Variants in PCDH7 observed in about 807,000 individuals in gnomAD.
PCDH7 encodes the protein protocadherin 7.
PCDH7 carries 17 observed loss-of-function variants against 58.9 expected under a neutral mutation model. That is an observed-to-expected ratio of 0.29 (90% CI 0.20 to 0.43). The LOEUF is 0.43. PCDH7 is among the 20% of genes least tolerant of loss of function. The pLI is 1.00. For missense variants in PCDH7, 1,274 were observed against 1,441.0 expected, an observed-to-expected ratio of 0.88 and a Z score of 1.88; for synonymous variants, 664 against 616.4, an observed-to-expected ratio of 1.08 and a Z score of -1.14.
intron 3 of PCDH7, among the ~76,000 whole-genome samples, chr4:31,125,120 C>T (rs1718146689): frequency 6.6e-6 from 1 of 152,080 alleles, no homozygotes; most frequent in African/African-American, 2.4e-5. Flanking sequence ...AAATTTGAGG[C>T]TTTTTACCAA....
At chr4:30,724,092 G>A (rs376057397) in exon 1 of PCDH7, 34 of 1,613,864 alleles carry the variant, frequency 2.1e-5, no homozygotes, top group South Asian at 7.7e-5. Flanking sequence ...GCATTATGAC[G>A]GTGATTCTAA....
At chr4:30,779,663 CCTAT>C (rs1422883330) in intron 1 of PCDH7, among the ~76,000 whole-genome samples, 2 of 152,122 alleles carry the variant, frequency 1.3e-5, no homozygotes, top group African/African-American at 2.4e-5. Flanking sequence ...CTAATTTTGT[CCTAT>C]CTCACATTTA....
intron 1 of PCDH7, among the ~76,000 whole-genome samples, chr4:30,793,229 A>T (rs542540832): frequency 6.6e-6 from 1 of 152,290 alleles, no homozygotes; most frequent in South Asian, 2.1e-4. Flanking sequence ...GAAGGCAAAC[A>T]CAGAATCTTT....
At chr4:30,847,149 A>T (rs1220029508) in intron 1 of PCDH7, among the ~76,000 whole-genome samples, 1 of 152,024 alleles carries the variant, frequency 6.6e-6, no homozygotes, top group East Asian at 1.9e-4. Context: ...TAAAAAAAAA[A>T]GAATGCATTT....
chr4:30,929,395 A>G (rs1375433514), intron 2 of PCDH7, among the ~76,000 whole-genome samples: 2 of 152,140 alleles, frequency 1.3e-5, no homozygotes, highest in African/African-American at 4.8e-5. Context: ...TACTTAATAT[A>G]CGCAGGTAGA....
chr4:30,742,289 T>C (rs960453994), intron 1 of PCDH7, among the ~76,000 whole-genome samples: 2 of 152,164 alleles, frequency 1.3e-5, no homozygotes, highest in Non-Finnish European at 2.9e-5. Context: ...AATGAAGAAT[T>C]TATGCTTACC....
chr4:30,733,250 C>A (rs2109240072), downstream of PCDH7, among the ~76,000 whole-genome samples: 1 of 152,244 alleles, frequency 6.6e-6, no homozygotes, highest in Admixed American at 6.5e-5. Context: ...ATTAATTCTC[C>A]ATTTCAAAAT....
intron 1 of PCDH7, among the ~76,000 whole-genome samples, chr4:30,906,130 T>G (rs1740888980): frequency 6.6e-6 from 1 of 152,206 alleles, no homozygotes; most frequent in South Asian, 2.1e-4. Context: ...CCAAGATACA[T>G]TAACATTTTC....
chr4:31,133,640 G>A (rs886768742), intron 3 of PCDH7, among the ~76,000 whole-genome samples: 3 of 152,154 alleles, frequency 2.0e-5, no homozygotes, highest in African/African-American at 7.2e-5. Context: ...TGGGTAAAGA[G>A]GAGAACCAAA....
At chr4:30,843,077 TA>T (rs1423440883) in intron 1 of PCDH7, among the ~76,000 whole-genome samples, 5 of 151,904 alleles carry the variant, frequency 3.3e-5, no homozygotes, top group Admixed American at 6.6e-5. Flanking sequence ...TTTTTTTTTT[TA>T]TAATTTGAGC....
In PCDH7 at chr4:30,721,171, A is replaced by C. The variant is rs1046463052; in HGVS notation, c.-252A>C. On this transcript the variant is annotated 5_prime_UTR_variant, in exon 1 of 2. Coordinates refer to ENST00000361762, the Ensembl canonical transcript of PCDH7. This position sits in a 1 kb window ranked among gnomAD's most constrained non-coding sequence, Gnocchi z 6.7. ...GCAGGCGAGCGGGCGATTAGCACCC[A>C]TTGCATGAATTATGAAACAATAACT... The C allele has an allele frequency of 2.0e-6, 1 of 509,164 alleles. No individual in the cohort carries two copies. Among genetic ancestry groups the C allele is most frequent in the African/African-American group, 2.0e-5 (1 of 50,270 alleles). 31.5% of individuals were successfully genotyped at this position (509,164 alleles called of 1,614,324 possible).
rs1362171903 is a variant in PCDH7 at position 30,772,734 on chromosome 4, T to TA, written c.70+48139dup. Among the ~76,000 whole-genome samples, 4 of 152,324 alleles carry TA rather than the reference T, an allele frequency of 2.6e-5. No individual in the cohort carries two copies. The East Asian group carries it at 5.8e-4, about 22-fold the overall frequency. On this transcript the variant is annotated intron_variant, in intron 1 of 3. Coordinates refer to the PCDH7 transcript ENST00000509759. ...ACAGTGGTAATGATAAATAAACACTTACTGTGTGCCCAAAATTGTGCTCAG... is the reference window on the plus strand; with the variant it reads ...ACAGTGGTAATGATAAATAAACACTTAACTGTGTGCCCAAAATTGTGCTCAG...
At chr4:30,885,947 C>T (rs1162044240) in intron 1 of PCDH7, among the ~76,000 whole-genome samples, 2 of 152,122 alleles carry the variant, frequency 1.3e-5, no homozygotes, top group African/African-American at 4.8e-5. Context: ...GGATCCCTTC[C>T]TTACACCTTA....
At chr4:31,003,389 T>C (rs780685022) in intron 3 of PCDH7, among the ~76,000 whole-genome samples, 24 of 151,348 alleles carry the variant, frequency 1.6e-4, no homozygotes, top group Non-Finnish European at 2.7e-4. Context: ...TTTTTTTTTT[T>C]CTTCTTTACC....
rs766376650 is a variant in PCDH7 at position 30,721,400 on chromosome 4, A to C, written c.-23A>C. 6.8e-7 allele frequency: 1 copy of C among 1,471,426 alleles called. No individual in the cohort carries two copies. The highest frequency in any genetic ancestry group is 2.0e-4 in the Middle Eastern group (1 of 5,090). 91.1% of individuals were successfully genotyped at this position (1,471,426 alleles called of 1,614,324 possible). A position where few individuals can be genotyped will look rare whatever the true frequency, so the allele number is the denominator to read the frequency against. ...CGAGGGGGCTGTGGTTAGAAGGAGCAGTAGCAGCAGCAGCAGGAGAAGATG... is the reference window on the plus strand; with the variant it reads ...CGAGGGGGCTGTGGTTAGAAGGAGCCGTAGCAGCAGCAGCAGGAGAAGATG... On this transcript the variant is annotated 5_prime_UTR_variant, in exon 1 of 2. Coordinates refer to ENST00000361762, the Ensembl canonical transcript of PCDH7. This position sits in a 1 kb window ranked among gnomAD's most constrained non-coding sequence, Gnocchi z 6.7.
At chr4:31,131,648 C>T (rs1485134210) in intron 3 of PCDH7, among the ~76,000 whole-genome samples, 2 of 152,118 alleles carry the variant, frequency 1.3e-5, no homozygotes, top group African/African-American at 4.8e-5. Flanking sequence ...TCTCAAATCA[C>T]AATCACTAAT....
intron 1 of PCDH7, among the ~76,000 whole-genome samples, chr4:30,834,838 CA>C (rs1172921876): frequency 6.6e-6 from 1 of 151,662 alleles, no homozygotes; most frequent in Non-Finnish European, 1.5e-5. Flanking sequence ...TAAAATGACA[CA>C]AAGCAATATT....
At chr4:30,733,768 A>G (rs767320172), downstream of PCDH7, among the ~76,000 whole-genome samples, 2 of 152,244 alleles carry the variant, frequency 1.3e-5, no homozygotes, top group Non-Finnish European at 2.9e-5. Context: ...TAAAAACCTT[A>G]TAACGTCTGT....
At chr4:30,854,626 G>C (rs1733219501) in intron 1 of PCDH7, among the ~76,000 whole-genome samples, 1 of 151,970 alleles carries the variant, frequency 6.6e-6, no homozygotes, top group Non-Finnish European at 1.5e-5. Flanking sequence ...GGTCTTTGGG[G>C]GATAAGCAGA....
Sources: gnomAD v4.1 joint callset for allele counts (sites outside exome capture counted in the v4.1 genomes callset) on GRCh38, gnomAD v4.1.1 for gene constraint, Gnocchi (gnomAD v3.1) non-coding constraint, MANE v1.5 for transcripts, NCBI Gene and HGNC (gene_info 2026-07-23, HGNC 2026-07-21) for gene names.